INSC: variants seen among roughly 807,000 people sequenced by gnomAD.
INSC encodes the protein protein inscuteable homolog.
A neutral mutation model predicts 58.6 loss-of-function variants in INSC; 67 were observed. The ratio of observed to expected loss-of-function variants is 1.14; its 90% CI spans 0.94 to 1.40. The LOEUF (loss-of-function observed/expected upper bound fraction) is 1.40, where lower values mean the gene tolerates loss of function less well. INSC is among the 40% of genes most tolerant of loss of function. The pLI is 0.00. For missense variants in INSC, 714 were observed against 692.0 expected, an observed-to-expected ratio of 1.03 and a Z score of -0.36; for synonymous variants, 262 against 276.1, an observed-to-expected ratio of 0.95 and a Z score of 0.51.
At chr11:15,252,355 A>G in the INSC span, among the ~76,000 whole-genome samples, 1 of 152,252 alleles carries the variant, frequency 6.6e-6, no homozygotes, top group African/African-American at 2.4e-5. Flanking sequence ...AAAAGGATGA[A>G]TTTATGATAT....
chr11:15,145,832 C>A (rs1848478769), intron 1 of INSC, among the ~76,000 whole-genome samples: 1 of 152,156 alleles, frequency 6.6e-6, no homozygotes, highest in Non-Finnish European at 1.5e-5. Flanking sequence ...GTAGGCAGTG[C>A]TGGTGAGAGG....
At chr11:15,172,312 G>A (rs1227829806) in intron 2 of INSC, among the ~76,000 whole-genome samples, 1 of 151,856 alleles carries the variant, frequency 6.6e-6, no homozygotes, top group Non-Finnish European at 1.5e-5. Context: ...TCAATCTCGG[G>A]GCACTCTCTG....
At chr11:15,254,634 A>G in the INSC span, among the ~76,000 whole-genome samples, 5 of 152,244 alleles carry the variant, frequency 3.3e-5, no homozygotes, top group Non-Finnish European at 7.3e-5. Context: ...ATGTGGTAAT[A>G]CATGGAAAAG....
intron 7 of INSC, among the ~76,000 whole-genome samples, chr11:15,209,580 A>G (rs1850941469): frequency 6.6e-6 from 1 of 151,994 alleles, no homozygotes; most frequent in Non-Finnish European, 1.5e-5. Context: ...GCCTGACCTC[A>G]AACCTCTGCC....
intron 12 of INSC, 32 bp from the exon 13 acceptor site, chr11:15,245,880 G>T (rs749958153): frequency 1.2e-6 from 2 of 1,606,924 alleles, no homozygotes; most frequent in Non-Finnish European, 8.5e-7. Flanking sequence ...GGCCCAGTCT[G>T]ACACGTGTCA....
At chr11:15,226,215 C>T (rs1851633398) in intron 9 of INSC, among the ~76,000 whole-genome samples, 1 of 152,080 alleles carries the variant, frequency 6.6e-6, no homozygotes, top group Non-Finnish European at 1.5e-5. Context: ...GTGCCTAGAC[C>T]TCCTCTGAAG....
At chr11:15,218,558 C>CTA (rs1409960002) in intron 7 of INSC, among the ~76,000 whole-genome samples, 33 of 152,108 alleles carry the variant, frequency 2.2e-4, no homozygotes, top group East Asian at 3.9e-4. Flanking sequence ...TTCTCTCTCT[C>CTA]TCTCTATATA....
At position 15,243,201 on chromosome 11, in the gene INSC, G is replaced by GT. The variant is rs369820154; in HGVS notation, c.1470+2679dup. Among the ~76,000 whole-genome samples the GT allele has an allele frequency of 6.1e-3, 927 of 152,264 alleles. 2 individuals are homozygous for GT. Among genetic ancestry groups the GT allele is most frequent in the Non-Finnish European group, 9.9e-3 (670 of 68,018 alleles). On this transcript the variant is annotated intron_variant, in intron 12 of 12. Transcript: ENST00000379556. Reference sequence around the variant, plus strand: ...CCTAGGAGTGTTCCAACATTTGAGTGTGGTCTCCTGGTTGGTGAGATTCAC... The same window carrying GT: ...CCTAGGAGTGTTCCAACATTTGAGTGTTGGTCTCCTGGTTGGTGAGATTCAC...
intron 1 of INSC, among the ~76,000 whole-genome samples, chr11:15,135,670 T>C (rs184713623): frequency 2.2e-4 from 34 of 152,352 alleles, no homozygotes; most frequent in Non-Finnish European, 2.9e-5. Context: ...TAATTGTTTC[T>C]TCTGGGTCAA....
chr11:15,203,081 TTAAAGA>T (rs1223410295), intron 7 of INSC, among the ~76,000 whole-genome samples: 2 of 152,216 alleles, frequency 1.3e-5, no homozygotes, highest in African/African-American at 4.8e-5. Flanking sequence ...TATCTCCATC[TTAAAGA>T]TAAGGAAATG....
At position 15,221,553 on chromosome 11, in the gene INSC, C is replaced by T; in HGVS notation, c.896C>T (p.Ala299Val). The T allele has an allele frequency of 6.2e-7, 1 of 1,614,084 alleles. No homozygotes were observed. The highest frequency in any genetic ancestry group is 8.5e-7 in the Non-Finnish European group (1 of 1,179,994). ...HSEATRAEAA[A>V]VVAQVTSPHL... ...GAGGCCACACGGGCTGAGGCTGCGG[C>T]TGTGGTGGCCCAGGTCACCTCCCCA... The change falls in exon 8 of 13, where the codon GCT becomes GTT. Residue 299 changes from alanine (A) to valine (V), a missense_variant. By Grantham distance (64) the Ala-to-Val change is moderately conservative. Coordinates refer to ENST00000379556, the MANE Select transcript of INSC (RefSeq NM_001042536.3).
chr11:15,145,129 C>T lies in INSC; in HGVS notation c.-45-4001C>T, dbSNP rs547018101. ...AGATGTATTTCTTAACTCTTCCTTC[C>T]AACAGGAAGGGTACTTCTTCTTGGA... On this transcript the variant is annotated intron_variant, in intron 1 of 12. Coordinates refer to ENST00000379556, the MANE Select transcript of INSC (RefSeq NM_001042536.3). Among the ~76,000 whole-genome samples, 4 of 152,316 alleles carry T rather than the reference C, an allele frequency of 2.6e-5. No individual in the cohort carries two copies. In the South Asian group the frequency reaches 8.3e-4, roughly 32 times the overall value.
chr11:15,237,751 G>A (rs1031570852), intron 10 of INSC, among the ~76,000 whole-genome samples: 1 of 152,168 alleles, frequency 6.6e-6, no homozygotes, highest in Non-Finnish European at 1.5e-5. Context: ...GACGAGGCGA[G>A]CTCACCAGAG....
chr11:15,145,664 T>A (rs1041999952), intron 1 of INSC, among the ~76,000 whole-genome samples: 7 of 152,158 alleles, frequency 4.6e-5, no homozygotes, highest in Admixed American at 3.3e-4. Flanking sequence ...TTCACAAAAC[T>A]GCCAATAAAT....
chr11:15,245,362 A>C (rs1852520138), intron 12 of INSC, among the ~76,000 whole-genome samples: 1 of 152,160 alleles, frequency 6.6e-6, no homozygotes, highest in Non-Finnish European at 1.5e-5. Context: ...GAATATGAGC[A>C]AGGACACATG....
chr11:15,113,129 C>CTTTT (rs1475471878), upstream of INSC, among the ~76,000 whole-genome samples: 1 of 123,548 alleles, frequency 8.1e-6, no homozygotes, highest in Admixed American at 8.7e-5. Flanking sequence ...CTCTTTCTTT[C>CTTTT]TTTCTTTCTT....
chr11:15,166,516 A>G (rs547787714), intron 2 of INSC, among the ~76,000 whole-genome samples: 3 of 152,302 alleles, frequency 2.0e-5, no homozygotes, highest in Admixed American at 2.0e-4. Context: ...GACAAAATCC[A>G]TACCTCCTAA....
At chr11:15,127,788 T>G (rs1848031960) in intron 1 of INSC, among the ~76,000 whole-genome samples, 1 of 152,098 alleles carries the variant, frequency 6.6e-6, no homozygotes, top group African/African-American at 2.4e-5. Context: ...AGAGGGAGAC[T>G]AGAGAGAACT....
At chr11:15,141,057 T>G (rs924044131) in intron 1 of INSC, among the ~76,000 whole-genome samples, 3 of 152,122 alleles carry the variant, frequency 2.0e-5, no homozygotes, top group African/African-American at 7.2e-5. Context: ...ACCTAAGAAG[T>G]GTTTCTCCCT....
Sources: gnomAD v4.1 joint callset for allele counts (sites outside exome capture counted in the v4.1 genomes callset) on GRCh38, gnomAD v4.1.1 for gene constraint, MANE v1.5 for transcripts, NCBI Gene and HGNC (gene_info 2026-07-23, HGNC 2026-07-21) for gene names.